REPIN1: variants seen among roughly 807,000 people sequenced by gnomAD.
The protein encoded by REPIN1 is DNA-binding protein REPIN1.
REPIN1 carries 4 observed loss-of-function variants against 5.7 expected under a neutral mutation model. The observed-to-expected ratio is 0.71, with a 90% CI of 0.35 to 1.62. REPIN1 has a LOEUF of 1.62. REPIN1 is among the 40% of genes most tolerant of loss of function. The pLI, the probability that REPIN1 is intolerant of heterozygous loss-of-function variation, is 0.05. For synonymous variants in REPIN1, 410 were observed against 386.2 expected (o/e 1.06, Z -0.72); for missense variants, 854 against 901.0 (o/e 0.95, Z 0.67).
At chr7:150,371,105 G>C in intron 2 of REPIN1, 123 bp from the exon 3 acceptor site, 1 of 1,101,808 alleles carries the variant, frequency 9.1e-7, no homozygotes, top group Non-Finnish European at 1.3e-6. Flanking sequence ...GAGTAGTCTA[G>C]CTCCATGTCC....
In REPIN1 at chr7:150,368,848, C is replaced by T. The variant is rs1799118357; in HGVS notation, c.-135C>T. The T allele has an allele frequency of 3.1e-6, 1 of 326,434 alleles. No individual in the cohort carries two copies. Among genetic ancestry groups the T allele is most frequent in the Non-Finnish European group, 5.5e-6 (1 of 181,892 alleles). 20.2% of individuals were successfully genotyped at this position (326,434 alleles called of 1,614,324 possible). A position where few individuals can be genotyped will look rare whatever the true frequency, so the allele number is the denominator to read the frequency against. ...GTTGTGAACTCGAACCTGCCGCTGT[C>T]GCCGCGGCGGGGCGGGGAGCGAGAG... On this transcript the variant is annotated 5_prime_UTR_variant, in exon 1 of 3. Transcript: ENST00000489432.
intron 2 of REPIN1, chr7:150,370,724 C>A (rs1254661377): frequency 2.8e-6 from 2 of 702,522 alleles, no homozygotes; most frequent in Admixed American, 2.0e-5. Context: ...GTCTCGTCAT[C>A]TTTGATGTCT....
At position 150,372,601 on chromosome 7, in the gene REPIN1, G is replaced by A. The variant is rs779978752; in HGVS notation, c.1531G>A (p.Ala511Thr). 4.4e-6 allele frequency: 7 copies of A among 1,606,012 alleles called. No individual in the cohort carries two copies. In the African/African-American group the frequency reaches 5.4e-5, roughly 12 times the overall value. ...SHLAAHRRDH[A>T]PDRPFVCPDC... ...TCTGGCGGCGCATCGGCGCGACCAC[G>A]CCCCCGATCGGCCCTTCGTGTGTCC... Residue 511 changes from alanine (A) to threonine (T), a missense_variant, in exon 3 of 3, where the codon GCC (alanine) becomes ACC (threonine). Around this residue, in one of 5 missense-constraint regions of REPIN1, gnomAD observed 327 missense variants for 307.8 expected, o/e 1.06. Coordinates refer to ENST00000489432, the MANE Select transcript of REPIN1 (RefSeq NM_001099695.2).
At position 150,371,999 on chromosome 7, in the gene REPIN1, C is replaced by T; in HGVS notation, c.929C>T (p.Ala310Val). 1 of 1,611,708 alleles carries T rather than the reference C, an allele frequency of 6.2e-7. No individual in the cohort carries two copies. The highest frequency in any genetic ancestry group is 8.5e-7 in the Non-Finnish European group (1 of 1,179,674). Residue 310 changes from alanine to valine, a missense_variant, in exon 3 of 3, where the codon GCT (alanine) becomes GTT (valine). Ala to Val is a moderately conservative substitution (Grantham distance 64). Coordinates refer to ENST00000489432, the MANE Select transcript of REPIN1 (RefSeq NM_001099695.2). ...KRFRHKPNLI[A>V]HRRVHTGERP... is the part of the protein sequence containing the mutation. ...TTCCGGCACAAGCCCAACTTGATCG[C>T]TCACCGCCGCGTGCACACGGGCGAG...
chr7:150,370,403 G>A (rs370841349), intron 2 of REPIN1: 4 of 328,370 alleles, frequency 1.2e-5, no homozygotes, highest in Non-Finnish European at 2.3e-5. Context: ...GAGGGCAGGC[G>A]GGCAGAATGG....
chr7:150,373,244 CT>C lies in REPIN1; in HGVS notation c.*300del. ...AATAGCATCCGCCCCTTAGAGCCCT[CT>C]GGCTAGAGGAGCCACCAGTGGAAAG... On this transcript the variant is annotated 3_prime_UTR_variant, in exon 3 of 3. Coordinates refer to ENST00000489432, the MANE Select transcript of REPIN1 (RefSeq NM_001099695.2). 1 of 465,442 alleles carries C rather than the reference CT, an allele frequency of 2.1e-6. No homozygotes were observed. Among genetic ancestry groups the C allele is most frequent in the South Asian group, 3.1e-5 (1 of 32,258 alleles). 28.8% of individuals were successfully genotyped at this position (465,442 alleles called of 1,614,324 possible). A position where few individuals can be genotyped will look rare whatever the true frequency, so the allele number is the denominator to read the frequency against.
rs1799143684 is a variant in REPIN1, at chr7:150,368,961, G to T, written c.-42+20G>T. 2 of 376,764 alleles carry T rather than the reference G, an allele frequency of 5.3e-6. No individual in the cohort carries two copies. The allele number at this position is 376,764 out of a possible 1,614,324, so 23.3% of individuals were successfully genotyped here. A position where few individuals can be genotyped will look rare whatever the true frequency, so the allele number is the denominator to read the frequency against. On this transcript the variant is annotated intron_variant, in intron 1 of 2. Coordinates refer to ENST00000489432, the MANE Select transcript of REPIN1 (RefSeq NM_001099695.2). Reference sequence around the variant, plus strand: ...GCAGAGGTACGGCCGGGGCAGGGGCGCGGGGCCACCGCGGGCCCGCGGGGG... The same window carrying T: ...GCAGAGGTACGGCCGGGGCAGGGGCTCGGGGCCACCGCGGGCCCGCGGGGG...
In REPIN1 at chr7:150,372,119, C is replaced by T. The variant is rs867872037; in HGVS notation, c.1049C>T (p.Pro350Leu). 1 of 1,611,320 alleles carries T rather than the reference C, an allele frequency of 6.2e-7. No individual in the cohort carries two copies. The change falls in exon 3 of 3, where the codon CCG becomes CTG. Residue 350 changes from proline (P) to leucine (L), a missense_variant. By Grantham distance (98) the Pro-to-Leu change is moderately conservative. Coordinates refer to ENST00000489432, the MANE Select transcript of REPIN1 (RefSeq NM_001099695.2). ...ATCCACACCGGCGAGAAGCCCTACC[C>T]GTGCAAAGAGTGCGGCCGCCGCTTC... ...RRIHTGEKPY[P>L]CKECGRRFRH...
intron 2 of REPIN1, 86 bp from the exon 3 acceptor site, chr7:150,371,142 G>C (rs1391282107): frequency 7.0e-7 from 1 of 1,436,094 alleles, no homozygotes; most frequent in African/African-American, 1.4e-5. Context: ...ATAGATGGCA[G>C]CTCCTGTCCG....
In REPIN1 at chr7:150,371,292, C is replaced by G. The variant is rs763148387; in HGVS notation, c.222C>G (p.Pro74=). 6.3e-7 allele frequency: 1 copy of G among 1,594,092 alleles called. No individual in the cohort carries two copies. Among genetic ancestry groups the G allele is most frequent in the East Asian group, 2.3e-5 (1 of 43,806 alleles). The part of the protein sequence containing the change: ...RGPLAMGLAQ[P]RLLSGPSQES... ...CCCTGGCCATGGGCCTGGCCCAGCCCCGACTCCTTTCTGGGCCCTCCCAGG... is the reference window on the plus strand; with the variant it reads ...CCCTGGCCATGGGCCTGGCCCAGCCGCGACTCCTTTCTGGGCCCTCCCAGG... Residue 74 remains proline, a synonymous_variant, in exon 3 of 3, where the codon CCC becomes CCG. Coordinates refer to ENST00000489432, the MANE Select transcript of REPIN1 (RefSeq NM_001099695.2).
At position 150,371,905 on chromosome 7, in the gene REPIN1, G is replaced by T; in HGVS notation, c.835G>T (p.Val279Leu). Residue 279 changes from valine (V) to leucine (L), a missense_variant, in exon 3 of 3, where the codon GTG becomes TTG. Coordinates refer to ENST00000489432, the MANE Select transcript of REPIN1 (RefSeq NM_001099695.2). The stretch of plus-strand genomic sequence containing the variant: ...GCCCCGGCCCAGGGGCCGCCCCGCG[G>T]TGACCGCCCCCCGGCCCGGTGGAGA... Reference protein sequence around the residue: ...LGPRPRGRPAVTAPRPGGDAV... With the variant: ...LGPRPRGRPALTAPRPGGDAV... 1 of 1,607,916 alleles carries T rather than the reference G, an allele frequency of 6.2e-7. No individual in the cohort carries two copies. The highest frequency in any genetic ancestry group is 8.5e-7 in the Non-Finnish European group (1 of 1,178,402).
Position 150,369,691 on chromosome 7 carries a change from G to C in REPIN1, c.-21G>C, listed in dbSNP as rs1236795810. On this transcript the variant is annotated 5_prime_UTR_variant, in exon 2 of 3. Transcript: ENST00000489432. ...CACAGGTAAGGCTGGCCTCTCTGCA[G>C]TCAGAGGTCTGAGCTCTGCCATGGG... 11 of 1,613,698 alleles carry C rather than the reference G, an allele frequency of 6.8e-6. No homozygotes were observed. The highest frequency in any genetic ancestry group is 9.3e-6 in the Non-Finnish European group (11 of 1,179,846).
intron 1 of REPIN1, chr7:150,369,338 G>T: frequency 5.1e-6 from 2 of 389,664 alleles, no homozygotes; most frequent in Admixed American, 3.6e-5. Context: ...GCTGGGGGAA[G>T]GGGAGCCAGC....
In REPIN1 at chr7:150,372,133, G is replaced by A; in HGVS notation, c.1063G>A (p.Gly355Ser). ...GAAGCCCTACCCGTGCAAAGAGTGC[G>A]GCCGCCGCTTCCGGCACAAACCCAA... ...GEKPYPCKEC[G>S]RRFRHKPNLL... Residue 355 changes from glycine (G) to serine (S), a missense_variant, in exon 3 of 3, where the codon GGC becomes AGC. By Grantham distance (56) the Gly-to-Ser change is moderately conservative. Transcript: ENST00000489432. The A allele has an allele frequency of 6.2e-7, 1 of 1,611,388 alleles. No homozygotes were observed. The highest frequency in any genetic ancestry group is 8.5e-7 in the Non-Finnish European group (1 of 1,179,486).
rs1474777511 is a variant in REPIN1 at position 150,371,956 on chromosome 7, G to A, written c.886G>A (p.Ala296Thr). Residue 296 changes from alanine to threonine, a missense_variant, in exon 3 of 3, where the codon GCC becomes ACC. Ala to Thr is a moderately conservative substitution (Grantham distance 58). Coordinates refer to ENST00000489432, the MANE Select transcript of REPIN1 (RefSeq NM_001099695.2). ...TGCCGTCGACCGCCCCTTCCAGTGT[G>A]CCTGTTGTGGCAAGCGCTTCCGGCA... is the stretch of plus-strand genomic sequence containing the variant. ...GDAVDRPFQC[A>T]CCGKRFRHKP... The A allele has an allele frequency of 1.2e-5, 19 of 1,609,714 alleles. No individual in the cohort carries two copies. Among genetic ancestry groups the A allele is most frequent in the Non-Finnish European group, 1.5e-5 (18 of 1,179,582 alleles).
chr7:150,369,791 G>C lies in REPIN1; in HGVS notation c.80G>C (p.Cys27Ser). ...CGGAGTGTGGGCCGAAGCAGGCGCT[G>C]CAGCCGCGGAAGTATCCCCAGGAAC... Reference protein sequence around the residue: ...GYRSVGRSRRCSRGSIPRNIP... With the variant: ...GYRSVGRSRRSSRGSIPRNIP... The change falls in exon 2 of 3, where the codon TGC becomes TCC. Residue 27 changes from cysteine to serine, a missense_variant. Cys to Ser is a moderately radical substitution (Grantham distance 112, BLOSUM62 -1). Around this residue, in one of 5 missense-constraint regions of REPIN1, gnomAD observed 409 missense variants for 418.6 expected, o/e 0.98. Transcript: ENST00000489432. The C allele has an allele frequency of 6.2e-7, 1 of 1,613,878 alleles. No homozygotes were observed. Among genetic ancestry groups the C allele is most frequent in the Non-Finnish European group, 8.5e-7 (1 of 1,179,782 alleles).
At position 150,371,473 on chromosome 7, in the gene REPIN1, C is replaced by CCG. The variant is rs2129620084; in HGVS notation, c.403_404insCG (p.Arg135ProfsTer24). 8.1e-6 allele frequency: 13 copies of CCG among 1,607,404 alleles called. No individual in the cohort carries two copies. The South Asian group carries it at 1.4e-4, about 18-fold the overall frequency. ...GGTGGCTCTGTGGCTTCACACCCGC[C>CCG]GGTGCCAGGCCCGGCTGCCCTTGCC... is the stretch of plus-strand genomic sequence containing the variant. On this transcript the variant is annotated frameshift_variant, in exon 3 of 3. Transcript: ENST00000489432. LOFTEE classifies it low-confidence loss of function (END_TRUNC).
At chr7:150,368,813 G>A (rs1402677896), upstream of REPIN1, 3 of 305,414 alleles carry the variant, frequency 9.8e-6, no homozygotes, top group Middle Eastern at 9.0e-4. Context: ...GGTTGGGGAC[G>A]GGCCTGGCAG....
Position 150,372,227 on chromosome 7 carries a change from G to C in REPIN1, c.1157G>C (p.Ser386Thr). 6.4e-7 allele frequency: 1 copy of C among 1,558,954 alleles called. No homozygotes were observed. The highest frequency in any genetic ancestry group is 1.2e-5 in the South Asian group (1 of 86,560). The change falls in exon 3 of 3, where the codon AGC becomes ACC. Residue 386 changes from serine (S) to threonine (T), a missense_variant. Ser to Thr is a moderately conservative substitution (Grantham distance 58). Transcript: ENST00000489432. ...GCCCAGGCCGCCCCCGGCCCGGGGA[G>C]CCCCCAGCTGCCAGCCGGCCCCCAG... Reference protein sequence around the residue: ...GSAQAAPGPGSPQLPAGPQES... With the variant: ...GSAQAAPGPGTPQLPAGPQES...
Sources: allele counts gnomAD v4.1 joint callset, GRCh38; gene constraint gnomAD v4.1.1; regional missense constraint gnomAD v4.1.1; transcripts MANE v1.5; gene names NCBI Gene and HGNC (gene_info 2026-07-23, HGNC 2026-07-21).